The following SLC8B1 variants were observed in gnomAD, a reference collection of about 807,000 sequenced individuals.
SLC8B1 encodes solute carrier family 8 member B1.
SLC8B1 carries 52 observed loss-of-function variants against 63.4 expected under a neutral mutation model. The ratio of observed to expected loss-of-function variants is 0.82; its 90% CI spans 0.66 to 1.03. SLC8B1 has a LOEUF of 1.03. Ranked by LOEUF, SLC8B1 falls within the 50% of genes least tolerant of loss-of-function variation. The probability of loss-of-function intolerance (pLI) is 0.00; values close to 1 mark genes in which losing one functional copy is unlikely to be tolerated. For missense variants in SLC8B1, 657 were observed against 741.7 expected (o/e 0.89, Z 1.33); for synonymous variants, 336 against 323.9 (o/e 1.04, Z -0.40).
intron 15 of SLC8B1, 126 bp downstream of exon 15, chr12:113,304,191 GCTCA>G (rs988048484): frequency 2.6e-6 from 2 of 758,040 alleles, no homozygotes; most frequent in African/African-American, 1.7e-5. Flanking sequence ...AGATGTCCTA[GCTCA>G]CTCAAAGTCA....
intron 2 of SLC8B1, among the ~76,000 whole-genome samples, chr12:113,325,350 C>T (rs148705360): frequency 0.017 from 2,649 of 152,256 alleles, 29 homozygotes; most frequent in Middle Eastern, 0.034. Flanking sequence ...AACTCCTGGG[C>T]GCATGTGATC....
intron 2 of SLC8B1, among the ~76,000 whole-genome samples, chr12:113,327,277 C>T (rs1957007161): frequency 6.6e-6 from 1 of 152,102 alleles, no homozygotes; most frequent in African/African-American, 2.4e-5. Flanking sequence ...TCTACTGAGC[C>T]CTCCTCTCTC....
chr12:113,316,824 G>C, intron 9 of SLC8B1, 118 bp downstream of exon 9: 1 of 1,475,868 alleles, frequency 6.8e-7, no homozygotes, highest in Non-Finnish European at 9.3e-7. Flanking sequence ...GCTGCAGTGA[G>C]AGGTGGGGCC....
intron 14 of SLC8B1, among the ~76,000 whole-genome samples, chr12:113,306,066 C>CAAAA (rs60824560): frequency 7.7e-4 from 14 of 18,090 alleles, no homozygotes; most frequent in Admixed American, 1.8e-3. Context: ...CCCCACCCTG[C>CAAAA]AAAAAAAAAA....
At chr12:113,308,717 C>T (rs1341630287) in intron 12 of SLC8B1, 1 of 152,140 alleles carries the variant, frequency 6.6e-6, no homozygotes, top group African/African-American at 2.4e-5. Context: ...ACAATTTTCC[C>T]TAAGTAGTAA....
At chr12:113,332,698 C>T in intron 2 of SLC8B1, 25 bp downstream of exon 2, 1 of 1,606,240 alleles carries the variant, frequency 6.2e-7, no homozygotes, top group Non-Finnish European at 8.5e-7. Flanking sequence ...CCCACTCAAC[C>T]CCAGGTTCCT....
Position 113,325,918 on chromosome 12 carries a change from G to A in SLC8B1, c.157-4570C>T, listed in dbSNP as rs190815377. On this transcript the variant is annotated intron_variant, in intron 2 of 15. Transcript: ENST00000680972. ...TGCCCTGAGCCTGGCCTGTAGTAGG[G>A]GCTTAATACATTTGTGTTAATGGCT... Among the ~76,000 whole-genome samples the A allele has an allele frequency of 4.2e-3, 634 of 152,266 alleles. 8 individuals are homozygous for A. The highest frequency in any genetic ancestry group is 0.014 in the African/African-American group (586 of 41,556).
chr12:113,320,523 G>A lies in SLC8B1; in HGVS notation c.527-25C>T, dbSNP rs1956909100. On this transcript the variant is annotated intron_variant, in intron 6 of 15. Transcript: ENST00000680972. This position sits in a 1 kb window ranked among gnomAD's most constrained non-coding sequence, Gnocchi z 5.3. ...CCTGGGGGGAGGAGGCCAGAGCTCA[G>A]CCACCCTGCACCCTCTCCTGCTGCT... 1.2e-6 allele frequency: 2 copies of A among 1,613,800 alleles called. No individual in the cohort carries two copies. Among genetic ancestry groups the A allele is most frequent in the South Asian group, 2.2e-5 (2 of 91,080 alleles).
In SLC8B1 at chr12:113,300,589, C is replaced by T. The variant is rs567034801; in HGVS notation, c.1558-615G>A. Among the ~76,000 whole-genome samples the T allele has an allele frequency of 4.2e-4, 64 of 152,332 alleles. No individual in the cohort carries two copies. In the South Asian group the frequency reaches 0.012, roughly 28 times the overall value. On this transcript the variant is annotated intron_variant, in intron 15 of 15. Coordinates refer to ENST00000680972, the MANE Select transcript of SLC8B1 (RefSeq NM_001358345.2). ...TAAGGAAGACTGGCCTGCAGCAGCCCGGCCTGCCCTGTGGGATGGCATGCC... is the reference window on the plus strand; with the variant it reads ...TAAGGAAGACTGGCCTGCAGCAGCCTGGCCTGCCCTGTGGGATGGCATGCC...
chr12:113,299,286 C>T lies in SLC8B1; in HGVS notation c.*491G>A, dbSNP rs1279245036. On this transcript the variant is annotated 3_prime_UTR_variant, in exon 16 of 16. Coordinates refer to ENST00000680972, the MANE Select transcript of SLC8B1 (RefSeq NM_001358345.2). Reference sequence around the variant, plus strand: ...CAGATGGTGCGGCTCTGGAGCTCAGCCCTCGGCGGCCTGATTCCCAGGGGT... The same window carrying T: ...CAGATGGTGCGGCTCTGGAGCTCAGTCCTCGGCGGCCTGATTCCCAGGGGT... The T allele has an allele frequency of 5.7e-6, 1 of 176,948 alleles. No individual in the cohort carries two copies. Among genetic ancestry groups the T allele is most frequent in the Non-Finnish European group, 1.2e-5 (1 of 81,314 alleles). The allele number at this position is 176,948 out of a possible 1,614,324, so 11.0% of individuals were successfully genotyped here.
rs1396015492 is a variant in SLC8B1 at position 113,305,803 on chromosome 12, G to A, written c.1492+692C>T. Among the ~76,000 whole-genome samples, 1 of 152,158 alleles carries A rather than the reference G, an allele frequency of 6.6e-6. No homozygotes were observed. The highest frequency in any genetic ancestry group is 1.5e-5 in the Non-Finnish European group (1 of 68,030). On this transcript the variant is annotated intron_variant, in intron 14 of 15. Coordinates refer to ENST00000680972, the MANE Select transcript of SLC8B1 (RefSeq NM_001358345.2). The surrounding 1 kb of genome is among the most constrained non-coding windows in gnomAD (Gnocchi z 4.3). The stretch of plus-strand genomic sequence containing the variant: ...GGGCCAGGTGTGGTGGCTCACGCCT[G>A]TAATCCCAGCACTTGGAGGCTGAGG...
chr12:113,319,117 G>T, intron 7 of SLC8B1, 46 bp from the exon 8 acceptor site: 2 of 1,462,718 alleles, frequency 1.4e-6, no homozygotes, highest in Non-Finnish European at 1.9e-6. Context: ...CCTGGTGCAG[G>T]TCTAGAGAAC....
intron 1 of SLC8B1, among the ~76,000 whole-genome samples, 183 bp downstream of exon 1, chr12:113,334,260 T>C (rs1957097930): frequency 2.6e-5 from 4 of 152,236 alleles, no homozygotes; most frequent in African/African-American, 7.2e-5. Context: ...GTTTTGGCTT[T>C]TTCATGTGTT....
chr12:113,300,555 G>C (rs755506976), intron 15 of SLC8B1, among the ~76,000 whole-genome samples: 4 of 152,192 alleles, frequency 2.6e-5, no homozygotes, highest in Non-Finnish European at 5.9e-5. Flanking sequence ...GCACCAGCTG[G>C]GGGCCACTTA....
At chr12:113,333,321 G>A (rs1459459649) in intron 1 of SLC8B1, among the ~76,000 whole-genome samples, 2 of 152,200 alleles carry the variant, frequency 1.3e-5, no homozygotes, top group Admixed American at 6.5e-5. Context: ...GGCAGTGGGC[G>A]GGATTGCAGA....
At chr12:113,322,615 T>A (rs1012750770) in intron 2 of SLC8B1, among the ~76,000 whole-genome samples, 3 of 152,066 alleles carry the variant, frequency 2.0e-5, no homozygotes, top group Non-Finnish European at 4.4e-5. Flanking sequence ...GAGATGGACA[T>A]AGTATGTTTG....
intron 8 of SLC8B1, among the ~76,000 whole-genome samples, chr12:113,318,224 A>G (rs1338730583): frequency 1.3e-5 from 2 of 149,308 alleles, no homozygotes; most frequent in African/African-American, 5.0e-5. Context: ...TATGTGTTGT[A>G]TGTACACATT....
intron 2 of SLC8B1, among the ~76,000 whole-genome samples, chr12:113,322,194 A>G (rs1370064766): frequency 6.6e-6 from 1 of 152,020 alleles, no homozygotes. Context: ...AAAAAAAAAT[A>G]TGTATCTCAA....
chr12:113,321,044 A>G lies in SLC8B1; in HGVS notation c.362+12T>C. 3 of 1,610,582 alleles carry G rather than the reference A, an allele frequency of 1.9e-6. No homozygotes were observed. Among genetic ancestry groups the G allele is most frequent in the African/African-American group, 2.7e-5 (2 of 75,008 alleles). ...ATTGATAAGCCAGACCGGAGCCCAG[A>G]GCCAAACTCACAACTTGGCTGCGGT... On this transcript the variant is annotated intron_variant, in intron 4 of 15. Coordinates refer to ENST00000680972, the MANE Select transcript of SLC8B1 (RefSeq NM_001358345.2).
Sources: allele counts gnomAD v4.1 joint callset (sites outside exome capture counted in the v4.1 genomes callset), GRCh38; gene constraint gnomAD v4.1.1; non-coding constraint Gnocchi (gnomAD v3.1); transcripts MANE v1.5; gene names NCBI Gene and HGNC (gene_info 2026-07-23, HGNC 2026-07-21).